Variants in FGF12 observed in about 807,000 individuals in gnomAD.
FGF12 encodes fibroblast growth factor 12.
In FGF12, 14 loss-of-function variants were observed where a neutral mutation model predicts 23.6. The ratio of observed to expected loss-of-function variants is 0.59; its 90% confidence interval spans 0.39 to 0.93. FGF12 has a LOEUF of 0.93. Ranked by LOEUF, FGF12 falls within the 40% of genes least tolerant of loss-of-function variation. FGF12 has a pLI of 0.00. For synonymous variants in FGF12, 62 were observed against 77.3 expected (o/e 0.80, Z 1.04); for missense variants, 175 against 217.8 (o/e 0.80, Z 1.24).
At chr3:192,257,635 G>T (rs908674781) in intron 4 of FGF12, among the ~76,000 whole-genome samples, 1 of 152,106 alleles carries the variant, frequency 6.6e-6, no homozygotes, top group African/African-American at 2.4e-5. Flanking sequence ...TGCTGATTTT[G>T]CTGATTGGTT....
intron 2 of FGF12, among the ~76,000 whole-genome samples, chr3:192,526,830 C>T (rs898912299): frequency 6.6e-6 from 1 of 152,178 alleles, no homozygotes. Flanking sequence ...TATAACCTTA[C>T]ATTTCAGTTA....
chr3:192,291,956 C>T (rs1345842410), intron 4 of FGF12, among the ~76,000 whole-genome samples: 1 of 152,148 alleles, frequency 6.6e-6, no homozygotes, highest in East Asian at 1.9e-4. Context: ...GCATTGGGAT[C>T]ATGCAGCTAA....
intron 4 of FGF12, among the ~76,000 whole-genome samples, chr3:192,317,748 G>C (rs1426549995): frequency 6.6e-6 from 1 of 152,132 alleles, no homozygotes; most frequent in East Asian, 1.9e-4. Flanking sequence ...GTAGTAACCA[G>C]ACAGTGCTCA....
chr3:192,213,357 G>A (rs777763248), intron 4 of FGF12, among the ~76,000 whole-genome samples: 6 of 152,008 alleles, frequency 3.9e-5, no homozygotes, highest in Non-Finnish European at 7.4e-5. Context: ...CTTTTAAGAG[G>A]GAACACCTTC....
intron 2 of FGF12, among the ~76,000 whole-genome samples, chr3:192,405,258 G>A (rs1434208039): frequency 2.0e-5 from 3 of 151,062 alleles, no homozygotes; most frequent in Non-Finnish European, 4.4e-5. Flanking sequence ...TTAAATCTGA[G>A]CCCTTTGCCA....
At chr3:192,505,162 T>C (rs1724256246) in intron 2 of FGF12, among the ~76,000 whole-genome samples, 1 of 152,054 alleles carries the variant, frequency 6.6e-6, no homozygotes, top group South Asian at 2.1e-4. Context: ...TATTTTTAAA[T>C]ACAGACAAGC....
intron 4 of FGF12, among the ~76,000 whole-genome samples, chr3:192,216,496 G>GT (rs1223431210): frequency 6.6e-6 from 1 of 152,128 alleles, no homozygotes; most frequent in Non-Finnish European, 1.5e-5. Flanking sequence ...CATAAAATTT[G>GT]TATGTGCTAA....
At chr3:192,427,843 C>T (rs1269642782) in intron 2 of FGF12, among the ~76,000 whole-genome samples, 2 of 152,176 alleles carry the variant, frequency 1.3e-5, no homozygotes, top group Non-Finnish European at 2.9e-5. Context: ...ACTGCAGCCA[C>T]CAGCAGAGAA....
At chr3:192,170,063 T>C (rs1165917418) in intron 5 of FGF12, among the ~76,000 whole-genome samples, 1 of 147,132 alleles carries the variant, frequency 6.8e-6, no homozygotes, top group Non-Finnish European at 1.5e-5. Context: ...ACTTCTTTTC[T>C]ACTTTCAAAA....
intron 2 of FGF12, among the ~76,000 whole-genome samples, chr3:192,541,151 A>G (rs1207072271): frequency 6.6e-6 from 1 of 151,868 alleles, no homozygotes; most frequent in Non-Finnish European, 1.5e-5. Context: ...GCAAGGACTT[A>G]CCCCTGCCAT....
intron 4 of FGF12, among the ~76,000 whole-genome samples, chr3:192,258,118 G>A (rs1364054407): frequency 6.6e-6 from 1 of 151,806 alleles, no homozygotes; most frequent in Non-Finnish European, 1.5e-5. Context: ...GAGGAACCAG[G>A]AAAATTTTGC....
chr3:192,339,663 C>A (rs1044816959), intron 3 of FGF12, among the ~76,000 whole-genome samples: 3 of 152,128 alleles, frequency 2.0e-5, no homozygotes, highest in Non-Finnish European at 2.9e-5. Context: ...TCATTTAAGG[C>A]CTACCTTGTT....
chr3:192,725,781 ATACT>A (rs145179696), intron 2 of FGF12, among the ~76,000 whole-genome samples: 2,099 of 152,336 alleles, frequency 0.014, 48 homozygotes, highest in African/African-American at 0.049. Flanking sequence ...TGTCCCAGAA[ATACT>A]TAGTCAGCTA....
intron 2 of FGF12, among the ~76,000 whole-genome samples, chr3:192,591,272 T>C (rs906800135): frequency 4.0e-5 from 6 of 151,252 alleles, no homozygotes; most frequent in Non-Finnish European, 8.9e-5. Flanking sequence ...TTAGCCCTTT[T>C]GATGACCAGT....
intron 2 of FGF12, among the ~76,000 whole-genome samples, chr3:192,555,652 G>T (rs902992174): frequency 3.1e-5 from 4 of 129,220 alleles, no homozygotes; most frequent in Admixed American, 1.5e-4. Flanking sequence ...AAAAAAAAAG[G>T]CCAGGTGTAG....
chr3:192,196,806 C>G (rs1200269554), intron 4 of FGF12, among the ~76,000 whole-genome samples: 1 of 151,894 alleles, frequency 6.6e-6, no homozygotes, highest in Non-Finnish European at 1.5e-5. Context: ...AATGAAGACA[C>G]AGGGTAAAAT....
Position 192,695,247 on chromosome 3 carries a change from G to A in FGF12, c.13+31934C>T, listed in dbSNP as rs145143225. 7.4e-4 allele frequency among the ~76,000 whole-genome samples: 112 copies of A among 152,118 alleles called. 1 individual carries two copies. Among genetic ancestry groups the A allele is most frequent in the African/African-American group, 2.7e-3 (110 of 41,502 alleles). On this transcript the variant is annotated intron_variant, in intron 2 of 5. Transcript: ENST00000445105. ...AAATACAAACCTAGCATTTTTCGTT[G>A]TGTCTTATTCACATTGTTCCTTTCA...
chr3:192,561,089 G>A (rs190069838), intron 2 of FGF12, among the ~76,000 whole-genome samples: 1 of 152,076 alleles, frequency 6.6e-6, no homozygotes, highest in East Asian at 1.9e-4. Context: ...GATATGCCCA[G>A]AACAGGAAAA....
chr3:192,521,026 A>G (rs1311378792), intron 2 of FGF12, among the ~76,000 whole-genome samples: 1 of 152,150 alleles, frequency 6.6e-6, no homozygotes, highest in Non-Finnish European at 1.5e-5. Flanking sequence ...TCCTAGAAAA[A>G]GAAATGCTGG....
Sources: gnomAD v4.1 joint callset for allele counts (sites outside exome capture counted in the v4.1 genomes callset) on GRCh38, gnomAD v4.1.1 for gene constraint, MANE v1.5 for transcripts, NCBI Gene and HGNC (gene_info 2026-07-23, HGNC 2026-07-21) for gene names.